PIP5KL1: variants seen among roughly 807,000 people sequenced by gnomAD.
The protein encoded by PIP5KL1 is phosphatidylinositol 4-phosphate 5-kinase-like protein 1.
PIP5KL1 carries 45 observed loss-of-function variants against 47.6 expected under a neutral mutation model. That is an observed-to-expected ratio of 0.94 (90% CI 0.74 to 1.21). PIP5KL1 has a LOEUF of 1.21. Among genes scored for constraint, PIP5KL1 ranks in the 50% most tolerant of loss-of-function variants. The probability of loss-of-function intolerance (pLI) is 0.00; values close to 1 mark genes in which losing one functional copy is unlikely to be tolerated. For missense variants in PIP5KL1, 577 were observed against 547.6 expected (o/e 1.05, Z -0.54); for synonymous variants, 256 against 234.6 (o/e 1.09, Z -0.84).
chr9:127,925,801 G>A, intron 8 of PIP5KL1, 66 bp downstream of exon 8: 1 of 1,353,164 alleles, frequency 7.4e-7, no homozygotes, highest in Non-Finnish European at 1.1e-6. Flanking sequence ...GAGGGCAGCA[G>A]GGACACCCTT....
At position 127,930,725 on chromosome 9, in the gene PIP5KL1, C is replaced by G; in HGVS notation, c.28G>C (p.Glu10Gln). Residue 10 changes from glutamate to glutamine, a missense_variant and splice_region_variant, in exon 1 of 10, where the codon GAG (glutamate) becomes CAG (glutamine). Transcript: ENST00000388747. MAAPSPGPR[E>Q]VLAPSPEAGC... ...TCCTCTCTCGGGTCCGCACCTACCT[C>G]GCGGGGCCCCGGGCTCGGCGCAGCC... The G allele has an allele frequency of 6.4e-7, 1 of 1,570,320 alleles. No individual in the cohort carries two copies. Among genetic ancestry groups the G allele is most frequent in the Middle Eastern group, 1.7e-4 (1 of 5,958 alleles).
chr9:127,924,970 A>G (rs1380927314), intron 9 of PIP5KL1, 137 bp downstream of exon 9: 21 of 1,202,080 alleles, frequency 1.7e-5, no homozygotes, highest in Non-Finnish European at 2.5e-5. Context: ...GCACACGCAC[A>G]CACACACACA....
In PIP5KL1 at chr9:127,927,341, G is replaced by C. The variant is rs757890069; in HGVS notation, c.560-10C>G. On this transcript the variant is annotated splice_polypyrimidine_tract_variant and intron_variant, in intron 5 of 9. Transcript: ENST00000388747. This position sits in a 1 kb window ranked among gnomAD's most constrained non-coding sequence, Gnocchi z 5.5. Reference sequence around the variant, plus strand: ...CGCAGACTGTGCACTCCTGGAAGGGGAGAGGGCGCCGGATGAGGATCCCCA... The same window carrying C: ...CGCAGACTGTGCACTCCTGGAAGGGCAGAGGGCGCCGGATGAGGATCCCCA... 1.3e-5 allele frequency: 21 copies of C among 1,605,760 alleles called. No individual in the cohort carries two copies. The highest frequency in any genetic ancestry group is 3.4e-4 in the Middle Eastern group (2 of 5,870).
chr9:127,928,211 C>A lies in PIP5KL1; in HGVS notation c.288G>T (p.Glu96Asp), dbSNP rs1400166775. ...EVLTQVHEGF[E>D]LGTLAGPAFA... ...AGGCGGGGCCGGCCAGCGTGCCCAGCTCGAAGCCCTGCAGGGGAGGAAGAG... is the reference window on the plus strand; with the variant it reads ...AGGCGGGGCCGGCCAGCGTGCCCAGATCGAAGCCCTGCAGGGGAGGAAGAG... The change falls in exon 4 of 10, where the codon GAG becomes GAT. Residue 96 changes from glutamate to aspartate, a missense_variant. Physicochemically the swap from Glu to Asp is conservative, Grantham distance 45. Transcript: ENST00000388747. 1.4e-5 allele frequency: 21 copies of A among 1,536,302 alleles called. No homozygotes were observed. Among genetic ancestry groups the A allele is most frequent in the Admixed American group, 2.1e-5 (1 of 46,844 alleles).
chr9:127,924,740 A>C (rs143921894), intron 9 of PIP5KL1, among the ~76,000 whole-genome samples: 1,680 of 151,296 alleles, frequency 0.011, 28 homozygotes, highest in African/African-American at 0.038. Flanking sequence ...CCACAGCCCC[A>C]CTGGAAAATG....
rs1490434061 is a variant in PIP5KL1, at chr9:127,928,178, C to G, written c.321G>C (p.Trp107Cys). The G allele has an allele frequency of 1.3e-6, 2 of 1,539,924 alleles. No individual in the cohort carries two copies. The highest frequency in any genetic ancestry group is 2.8e-5 in the African/African-American group (2 of 72,500). Reference sequence around the variant, plus strand: ...CCGCCAGGCCCAGGGAGCGGCGCAGCCAGGCAAAGGCGGGGCCGGCCAGCG... The same window carrying G: ...CCGCCAGGCCCAGGGAGCGGCGCAGGCAGGCAAAGGCGGGGCCGGCCAGCG... ...LGTLAGPAFA[W>C]LRRSLGLAEE... is the part of the protein sequence containing the mutation. Residue 107 changes from tryptophan (W) to cysteine (C), a missense_variant, in exon 4 of 10, where the codon TGG (tryptophan) becomes TGC (cysteine). By Grantham distance (215) the Trp-to-Cys change is radical (BLOSUM62 -2). Transcript: ENST00000388747.
At chr9:127,928,758 C>T (rs1831398525) in intron 2 of PIP5KL1, 4 of 519,276 alleles carry the variant, frequency 7.7e-6, no homozygotes, top group Admixed American at 3.6e-5. Context: ...AAGCCAGGCA[C>T]GTTCCCAGAC....
chr9:127,922,274 T>C (rs1309531517), intron 9 of PIP5KL1, among the ~76,000 whole-genome samples, 160 bp from the exon 10 acceptor site: 1 of 152,018 alleles, frequency 6.6e-6, no homozygotes, highest in Non-Finnish European at 1.5e-5. Flanking sequence ...AAAGTGAAAG[T>C]GTTGGGCTAG....
intron 8 of PIP5KL1, 45 bp downstream of exon 8, chr9:127,925,822 C>T: frequency 1.3e-6 from 2 of 1,499,086 alleles, no homozygotes; most frequent in South Asian, 1.1e-5. Flanking sequence ...CTAAACTTCA[C>T]CCTGAATGAA....
rs1273546410 is a variant in PIP5KL1, at chr9:127,927,133, A to T, written c.650+20T>A. ...GAGTTTCGGCTGGGATGGGGGCCCA[A>T]ACCTGCTTAGGCCACTCACCTCTCG... On this transcript the variant is annotated intron_variant, in intron 7 of 9. Transcript: ENST00000388747. The surrounding 1 kb of genome is among the most constrained non-coding windows in gnomAD (Gnocchi z 5.5). The T allele has an allele frequency of 6.3e-7, 1 of 1,595,618 alleles. No homozygotes were observed. The highest frequency in any genetic ancestry group is 1.3e-5 in the African/African-American group (1 of 74,626).
intron 3 of PIP5KL1, 73 bp downstream of exon 3, chr9:127,928,359 AC>A (rs1202622910): frequency 1.3e-6 from 2 of 1,543,736 alleles, no homozygotes; most frequent in African/African-American, 2.7e-5. Flanking sequence ...CTCCCACTGC[AC>A]AGATGGGAAA....
Position 127,929,583 on chromosome 9 carries a change from G to A in PIP5KL1, c.228+105C>T. 5 of 1,182,866 alleles carry A rather than the reference G, an allele frequency of 4.2e-6. No individual in the cohort carries two copies. Among genetic ancestry groups the A allele is most frequent in the Non-Finnish European group, 5.8e-6 (5 of 857,352 alleles). The allele number at this position is 1,182,866 out of a possible 1,614,324, so 73.3% of individuals were successfully genotyped here. On this transcript the variant is annotated intron_variant, in intron 2 of 9. Coordinates refer to ENST00000388747, the MANE Select transcript of PIP5KL1 (RefSeq NM_001135219.2). The surrounding 1 kb of genome is among the most constrained non-coding windows in gnomAD (Gnocchi z 4.0). The stretch of plus-strand genomic sequence containing the variant: ...CCTCCCTCTCTGCCTTCCTCCCCTT[G>A]ATATCCCTCTCTGATCCCCACACCT...
chr9:127,924,022 G>A (rs760243428), intron 9 of PIP5KL1, among the ~76,000 whole-genome samples: 2 of 152,218 alleles, frequency 1.3e-5, no homozygotes, highest in Non-Finnish European at 2.9e-5. Flanking sequence ...TGATGATGAC[G>A]TCAGCGTCCT....
intron 8 of PIP5KL1, 67 bp from the exon 9 acceptor site, chr9:127,925,327 T>C: frequency 6.4e-7 from 1 of 1,556,512 alleles, no homozygotes; most frequent in South Asian, 1.2e-5. Flanking sequence ...CCACACACTC[T>C]GCCCCGTGAC....
At chr9:127,922,727 A>AAAAAG (rs1283211204) in intron 9 of PIP5KL1, among the ~76,000 whole-genome samples, 10 of 151,788 alleles carry the variant, frequency 6.6e-5, no homozygotes, top group African/African-American at 1.7e-4. Context: ...AAGAAAAAGA[A>AAAAAG]AAAAGAAAAG....
chr9:127,925,292 C>T, intron 8 of PIP5KL1, 32 bp from the exon 9 acceptor site: 2 of 1,604,978 alleles, frequency 1.2e-6, no homozygotes, highest in East Asian at 2.2e-5. Context: ...CACCTGAGCG[C>T]TCATCATGTG....
chr9:127,921,568 A>C lies in PIP5KL1; in HGVS notation c.*279T>G, dbSNP rs1427861354. The stretch of plus-strand genomic sequence containing the variant: ...CAGCATTTATTGCTGAATGATCTTG[A>C]TCAGTCCCTTCACCCCCTGAGCCTC... On this transcript the variant is annotated 3_prime_UTR_variant, in exon 10 of 10. Transcript: ENST00000388747. 1 of 444,088 alleles carries C rather than the reference A, an allele frequency of 2.3e-6. No individual in the cohort carries two copies. Among genetic ancestry groups the C allele is most frequent in the African/African-American group, 2.0e-5 (1 of 50,434 alleles). The allele number at this position is 444,088 out of a possible 1,614,324, so 27.5% of individuals were successfully genotyped here. A position where few individuals can be genotyped will look rare whatever the true frequency, so the allele number is the denominator to read the frequency against.
At position 127,922,086 on chromosome 9, in the gene PIP5KL1, C is replaced by T. The variant is rs377204058; in HGVS notation, c.946G>A (p.Glu316Lys). 933 of 1,551,296 alleles carry T rather than the reference C, an allele frequency of 6.0e-4. 1 individual carries two copies. Among genetic ancestry groups the T allele is most frequent in the Non-Finnish European group, 7.8e-4 (902 of 1,150,470 alleles). ...AGCCGGCGGTTTTGGGCTCTCGACT[C>T]TTCCGGGCTCTGTGCCCCTTGCACA... ...RSVQGAQSPE[E>K]SRAQNRRLLP... The change falls in exon 10 of 10, where the codon GAG becomes AAG. Residue 316 changes from glutamate to lysine, a missense_variant. Glu to Lys is a moderately conservative substitution (Grantham distance 56). Transcript: ENST00000388747.
At position 127,921,814 on chromosome 9, in the gene PIP5KL1, C is replaced by T. The variant is rs1831284726; in HGVS notation, c.*33G>A. 1.3e-6 allele frequency: 2 copies of T among 1,547,128 alleles called. No individual in the cohort carries two copies. The highest frequency in any genetic ancestry group is 1.2e-5 in the South Asian group (1 of 85,316). On this transcript the variant is annotated 3_prime_UTR_variant, in exon 10 of 10. Coordinates refer to ENST00000388747, the MANE Select transcript of PIP5KL1 (RefSeq NM_001135219.2). ...ACCGGCGTTCCTGGCGTGAGCCCATCGTCCAGATCCGGAGAGTGGGGCCGG... is the reference window on the plus strand; with the variant it reads ...ACCGGCGTTCCTGGCGTGAGCCCATTGTCCAGATCCGGAGAGTGGGGCCGG...
Sources: allele counts gnomAD v4.1 joint callset (sites outside exome capture counted in the v4.1 genomes callset), GRCh38; gene constraint gnomAD v4.1.1; non-coding constraint Gnocchi (gnomAD v3.1); transcripts MANE v1.5; gene names NCBI Gene and HGNC (gene_info 2026-07-23, HGNC 2026-07-21).